Variants in CFDP1 observed in about 807,000 individuals in gnomAD.
The protein encoded by CFDP1 is heterochromatin-stabilizing protein CFDP1.
CFDP1 carries 31 observed loss-of-function variants against 40.1 expected under a neutral mutation model. That is an observed-to-expected ratio of 0.77 (90% CI 0.58 to 1.04). The LOEUF is 1.04. Among genes scored for constraint, CFDP1 ranks in the 50% least tolerant of loss-of-function variants. CFDP1 has a pLI of 0.00. For missense variants in CFDP1, 423 were observed against 343.4 expected, an observed-to-expected ratio of 1.23 and a Z score of -1.83; for synonymous variants, 167 against 120.0, an observed-to-expected ratio of 1.39 and a Z score of -2.56.
At chr16:75,328,707 C>T (rs1017043731) in intron 5 of CFDP1, among the ~76,000 whole-genome samples, 15 of 147,246 alleles carry the variant, frequency 1.0e-4, no homozygotes, top group Admixed American at 8.8e-4. Flanking sequence ...GAGATGAACT[C>T]TCACTCTGTC....
chr16:75,380,695 C>T lies in CFDP1; in HGVS notation c.650+14395G>A, dbSNP rs181595617. ...GGCCTGCAACCCACATAGATTTGGG[C>T]TTCAAAATTATACTTTCAATTATAA... On this transcript the variant is annotated intron_variant, in intron 5 of 6. Coordinates refer to ENST00000283882, the MANE Select transcript of CFDP1 (RefSeq NM_006324.3). Among the ~76,000 whole-genome samples, 358 of 152,258 alleles carry T rather than the reference C, an allele frequency of 2.4e-3. 1 individual carries two copies. Among genetic ancestry groups the T allele is most frequent in the Admixed American group, 5.5e-3 (84 of 15,286 alleles).
intron 1 of CFDP1, among the ~76,000 whole-genome samples, chr16:75,431,953 C>T: frequency 6.7e-6 from 1 of 149,818 alleles, no homozygotes; most frequent in African/African-American, 2.4e-5. Flanking sequence ...GCTCTGTCAC[C>T]CAGGCTGGAG....
At chr16:75,388,823 G>C (rs1182700165) in intron 5 of CFDP1, among the ~76,000 whole-genome samples, 1 of 152,038 alleles carries the variant, frequency 6.6e-6, no homozygotes, top group Non-Finnish European at 1.5e-5. Context: ...TTTATCTTCA[G>C]GATGGTACTG....
chr16:75,324,317 G>C (rs1246299922), intron 5 of CFDP1, among the ~76,000 whole-genome samples: 1 of 152,172 alleles, frequency 6.6e-6, no homozygotes, highest in African/African-American at 2.4e-5. Flanking sequence ...AACAGGCACT[G>C]AGATGTGTGT....
intron 5 of CFDP1, among the ~76,000 whole-genome samples, chr16:75,340,578 A>G (rs1044520676): frequency 6.6e-5 from 10 of 152,232 alleles, no homozygotes; most frequent in Admixed American, 4.6e-4. Flanking sequence ...TAAACAGAAC[A>G]TAAATAAAAA....
At chr16:75,308,612 A>C (rs76554932) in intron 5 of CFDP1, among the ~76,000 whole-genome samples, 3,416 of 152,304 alleles carry the variant, frequency 0.022, 73 homozygotes, top group African/African-American at 0.055. Context: ...AGAATCAGAT[A>C]TTCGCAGAAC....
chr16:75,387,727 A>C (rs1362145723), intron 5 of CFDP1, among the ~76,000 whole-genome samples: 1 of 152,228 alleles, frequency 6.6e-6, no homozygotes, highest in Non-Finnish European at 1.5e-5. Context: ...TACCCTCTGG[A>C]AACAGTAATA....
Position 75,315,309 on chromosome 16 carries a change from G to C in CFDP1, c.651-10127C>G, listed in dbSNP as rs1382081618. Among the ~76,000 whole-genome samples, 16 of 124,658 alleles carry C rather than the reference G, an allele frequency of 1.3e-4. No individual in the cohort carries two copies. In the Admixed American group the frequency reaches 1.7e-3, roughly 13 times the overall value. The allele number at this position is 124,658 out of a possible 152,430, so 81.8% of individuals were successfully genotyped here. ...ATCATGCCACTACACACCAGCCTGG[G>C]TGACAGAGTGAGACCCTATCTCAAA... On this transcript the variant is annotated intron_variant, in intron 5 of 6. Coordinates refer to ENST00000283882, the MANE Select transcript of CFDP1 (RefSeq NM_006324.3).
chr16:75,383,291 T>C (rs531838762), intron 5 of CFDP1, among the ~76,000 whole-genome samples: 1 of 152,278 alleles, frequency 6.6e-6, no homozygotes, highest in South Asian at 2.1e-4. Context: ...AAAGAAAAAT[T>C]CCTCAATCCA....
At chr16:75,373,642 T>G (rs549436962) in intron 5 of CFDP1, among the ~76,000 whole-genome samples, 50 of 152,294 alleles carry the variant, frequency 3.3e-4, no homozygotes, top group Middle Eastern at 6.8e-3. Flanking sequence ...CCCTAAAGAC[T>G]GTATTCTTTT....
rs546724752 is a variant in CFDP1, at chr16:75,301,536, C to CTTTTTTTTTTTTTTTTTTTTTTTTTTTTT, written c.809+3487_809+3488insAAAAAAAAAAAAAAAAAAAAAAAAAAAAA. Among the ~76,000 whole-genome samples the CTTTTTTTTTTTTTTTTTTTTTTTTTTTTT allele has an allele frequency of 3.7e-5, 2 of 53,966 alleles. 1 individual carries two copies. Among genetic ancestry groups the CTTTTTTTTTTTTTTTTTTTTTTTTTTTTT allele is most frequent in the African/African-American group, 1.4e-4 (2 of 14,506 alleles). The allele number at this position is 53,966 out of a possible 152,430, so 35.4% of individuals were successfully genotyped here. A position where few individuals can be genotyped will look rare whatever the true frequency, so the allele number is the denominator to read the frequency against. Reference sequence around the variant, plus strand: ...TCTCAACATTAGAGTTTTGTTGTGTCTTTTTTTTTTTTTTTTTTTTTTTTT... The same window carrying CTTTTTTTTTTTTTTTTTTTTTTTTTTTTT: ...TCTCAACATTAGAGTTTTGTTGTGTCTTTTTTTTTTTTTTTTTTTTTTTTTTTTTTTTTTTTTTTTTTTTTTTTTTTTTT... On this transcript the variant is annotated intron_variant, in intron 6 of 6. Coordinates refer to ENST00000283882, the MANE Select transcript of CFDP1 (RefSeq NM_006324.3).
rs1160333730 is a variant in CFDP1, at chr16:75,352,918, A to G, written c.650+42172T>C. On this transcript the variant is annotated intron_variant, in intron 5 of 6. Coordinates refer to ENST00000283882, the MANE Select transcript of CFDP1 (RefSeq NM_006324.3). ...CTCTAATACAGTCTTGATAAGAAAAACTATATATGTGAAATTGAAATCTGA... is the reference window on the plus strand; with the variant it reads ...CTCTAATACAGTCTTGATAAGAAAAGCTATATATGTGAAATTGAAATCTGA... Among the ~76,000 whole-genome samples, 2 of 152,198 alleles carry G rather than the reference A, an allele frequency of 1.3e-5. 1 individual carries two copies. The highest frequency in any genetic ancestry group is 3.8e-4 in the East Asian group (2 of 5,202).
chr16:75,343,968 A>G (rs1022500221), intron 5 of CFDP1, among the ~76,000 whole-genome samples: 8 of 152,214 alleles, frequency 5.3e-5, no homozygotes, highest in African/African-American at 1.9e-4. Flanking sequence ...TCACTTCCAC[A>G]GCATGTATAC....
chr16:75,351,825 T>C (rs74753614), intron 5 of CFDP1, among the ~76,000 whole-genome samples: 3 of 150,812 alleles, frequency 2.0e-5, no homozygotes, highest in Admixed American at 6.6e-5. Flanking sequence ...CTGGCCAACA[T>C]AGTGAAACCC....
chr16:75,312,837 T>A (rs1049908670), intron 5 of CFDP1, among the ~76,000 whole-genome samples: 1 of 152,182 alleles, frequency 6.6e-6, no homozygotes, highest in African/African-American at 2.4e-5. Flanking sequence ...TACTAAGACA[T>A]GGACTGTTTT....
intron 5 of CFDP1, among the ~76,000 whole-genome samples, chr16:75,364,322 C>A (rs914722587): frequency 6.6e-6 from 1 of 152,162 alleles, no homozygotes; most frequent in African/African-American, 2.4e-5. Flanking sequence ...CCAAATTCCC[C>A]TTTCCCCAAG....
intron 5 of CFDP1, among the ~76,000 whole-genome samples, chr16:75,316,011 T>C (rs947822988): frequency 6.6e-6 from 1 of 152,216 alleles, no homozygotes; most frequent in Non-Finnish European, 1.5e-5. Context: ...TTCAGTGTCT[T>C]GTTAATTTTT....
chr16:75,386,244 G>C (rs1044243823), intron 5 of CFDP1, among the ~76,000 whole-genome samples: 2 of 152,176 alleles, frequency 1.3e-5, no homozygotes, highest in Admixed American at 6.6e-5. Flanking sequence ...GAAAAAGGCT[G>C]CTATGTGTAA....
chr16:75,325,890 G>A (rs1433598969), intron 5 of CFDP1, among the ~76,000 whole-genome samples: 1 of 152,216 alleles, frequency 6.6e-6, no homozygotes, highest in Non-Finnish European at 1.5e-5. Context: ...AATTGCAACA[G>A]ACATTCTTGA....
Sources: allele counts gnomAD v4.1 joint callset (sites outside exome capture counted in the v4.1 genomes callset), GRCh38; gene constraint gnomAD v4.1.1; transcripts MANE v1.5; gene names NCBI Gene and HGNC (gene_info 2026-07-23, HGNC 2026-07-21).